The following AKAP13 variants were observed in gnomAD, a reference collection of about 807,000 sequenced individuals.
AKAP13 encodes the protein A-kinase anchor protein 13.
In AKAP13, 80 loss-of-function variants were observed where a neutral mutation model predicts 264.5. That is an observed-to-expected ratio of 0.30 (90% CI 0.25 to 0.36). AKAP13 has a LOEUF of 0.36. Among genes scored for constraint, AKAP13 ranks in the 10% least tolerant of loss-of-function variants. AKAP13 has a pLI of 1.00. For missense variants in AKAP13, 3,712 were observed against 3,435.2 expected, an observed-to-expected ratio of 1.08 and a Z score of -2.01; for synonymous variants, 1,380 against 1,250.2, an observed-to-expected ratio of 1.10 and a Z score of -2.19.
chr15:85,453,253 T>G (rs1342601774), intron 1 of AKAP13, among the ~76,000 whole-genome samples: 2 of 152,156 alleles, frequency 1.3e-5, no homozygotes, highest in African/African-American at 4.8e-5. Context: ...TCCAGGGAGT[T>G]GCTGAGTTGG....
At chr15:85,604,413 G>A (rs1404534918) in intron 8 of AKAP13, among the ~76,000 whole-genome samples, 2 of 151,158 alleles carry the variant, frequency 1.3e-5, no homozygotes, top group Admixed American at 1.3e-4. Flanking sequence ...ATAGAATTTG[G>A]ATAATTGACT....
intron 7 of AKAP13, among the ~76,000 whole-genome samples, chr15:85,582,405 A>C (rs2079163602): frequency 6.6e-6 from 1 of 152,274 alleles, no homozygotes; most frequent in East Asian, 1.9e-4. Flanking sequence ...GATCACAGGT[A>C]CTCTAAAGTG....
rs1391841353 is a variant in AKAP13, at chr15:85,633,088, G to T, written c.4162-6286G>T. Among the ~76,000 whole-genome samples the T allele has an allele frequency of 4.6e-5, 7 of 152,038 alleles. No homozygotes were observed. The East Asian group carries it at 1.4e-3, about 29-fold the overall frequency. ...TCACTATGTTGGCCAGGATGATCTCGAACTCCTAACCTTGTGATCCGCCTG... is the reference window on the plus strand; with the variant it reads ...TCACTATGTTGGCCAGGATGATCTCTAACTCCTAACCTTGTGATCCGCCTG... On this transcript the variant is annotated intron_variant, in intron 8 of 36. Transcript: ENST00000394518.
intron 8 of AKAP13, chr15:85,619,371 C>CA (rs1182875929): frequency 2.0e-6 from 2 of 985,046 alleles, no homozygotes; most frequent in Non-Finnish European, 2.4e-6. Flanking sequence ...GGAGGGAGTA[C>CA]AGCAGGAGTG....
intron 8 of AKAP13, chr15:85,620,283 C>A: frequency 9.9e-7 from 1 of 1,006,658 alleles, no homozygotes; most frequent in Admixed American, 2.1e-5. Flanking sequence ...GCCGAGAAAT[C>A]TGTGCACAGT....
chr15:85,439,281 C>T (rs1469169823), intron 1 of AKAP13, among the ~76,000 whole-genome samples: 8 of 145,314 alleles, frequency 5.5e-5, no homozygotes, highest in Non-Finnish European at 1.2e-4. Context: ...TACCATCTCA[C>T]ACCAGTTAGA....
chr15:85,527,240 A>G (rs12594171), intron 3 of AKAP13, among the ~76,000 whole-genome samples: 19,309 of 152,148 alleles, frequency 0.13, 1,567 homozygotes, highest in South Asian at 0.34. Flanking sequence ...TGGGATTACA[A>G]GCGTGAGCCA....
chr15:85,538,881 A>C (rs1193358428), intron 4 of AKAP13, among the ~76,000 whole-genome samples: 3 of 149,302 alleles, frequency 2.0e-5, no homozygotes, highest in East Asian at 3.9e-4. Context: ...CCCAGGCTAG[A>C]GTGCAGTGGT....
intron 19 of AKAP13, among the ~76,000 whole-genome samples, chr15:85,711,404 C>G (rs1377499451): frequency 1.3e-5 from 2 of 151,932 alleles, no homozygotes; most frequent in Non-Finnish European, 2.9e-5. Flanking sequence ...AATGTATGTC[C>G]TTCTAATCTG....
chr15:85,737,077 C>G (rs1222439702), intron 33 of AKAP13, among the ~76,000 whole-genome samples: 1 of 152,056 alleles, frequency 6.6e-6, no homozygotes, highest in Non-Finnish European at 1.5e-5. Flanking sequence ...CGCCACTACA[C>G]CTGACTAATT....
chr15:85,595,949 C>G (rs544167647), intron 8 of AKAP13, among the ~76,000 whole-genome samples: 1 of 152,296 alleles, frequency 6.6e-6, no homozygotes, highest in African/African-American at 2.4e-5. Context: ...TTAAATATTT[C>G]CATTCAGCCA....
At chr15:85,407,012 A>G (rs2071698535) in intron 1 of AKAP13, among the ~76,000 whole-genome samples, 1 of 151,770 alleles carries the variant, frequency 6.6e-6, no homozygotes, top group Non-Finnish European at 1.5e-5. Context: ...ACAAAACAGA[A>G]ATAATATATT....
chr15:85,383,039 CA>C (rs1448992339), intron 1 of AKAP13, among the ~76,000 whole-genome samples: 7 of 151,982 alleles, frequency 4.6e-5, no homozygotes, highest in East Asian at 1.9e-4. Flanking sequence ...ATTTAGAAAT[CA>C]GCCCCCCCCT....
intron 3 of AKAP13, among the ~76,000 whole-genome samples, chr15:85,529,155 G>T (rs1200822523): frequency 6.6e-6 from 1 of 152,118 alleles, no homozygotes. Flanking sequence ...GCCAGGCACG[G>T]TGTAAGGTGT....
chr15:85,682,186 C>G lies in AKAP13; in HGVS notation c.5130C>G (p.His1710Gln). The G allele has an allele frequency of 6.2e-7, 1 of 1,613,560 alleles. No homozygotes were observed. Among genetic ancestry groups the G allele is most frequent in the Non-Finnish European group, 8.5e-7 (1 of 1,179,938 alleles). Reference protein sequence around the residue: ...DNSRPFHSTFHNTSANLTESI... With the variant: ...DNSRPFHSTFQNTSANLTESI... ...CACGGCCCTTCCACAGTACCTTCCA[C>G]AATACCAGTGCTAATCTGACTGAGA... The change falls in exon 15 of 37, where the codon CAC (histidine) becomes CAG (glutamine). Residue 1710 changes from histidine to glutamine, a missense_variant. Physicochemically the swap from His to Gln is conservative, Grantham distance 24. Coordinates refer to ENST00000394518, the MANE Select transcript of AKAP13 (RefSeq NM_007200.5).
chr15:85,717,525 T>G, intron 21 of AKAP13, 123 bp downstream of exon 21: 1 of 711,222 alleles, frequency 1.4e-6, no homozygotes. Context: ...GAAGATTCTC[T>G]AAATTGTCAG....
At chr15:85,501,173 A>G (rs757730880) in intron 2 of AKAP13, among the ~76,000 whole-genome samples, 12 of 152,142 alleles carry the variant, frequency 7.9e-5, no homozygotes, top group Admixed American at 1.3e-4. Flanking sequence ...GAAGTGTATT[A>G]TTGTGTAGTT....
chr15:85,656,679 A>C (rs955018220), intron 11 of AKAP13, among the ~76,000 whole-genome samples: 1 of 152,000 alleles, frequency 6.6e-6, no homozygotes, highest in African/African-American at 2.4e-5. Flanking sequence ...CGATCTCCTG[A>C]CCTTGTGATC....
chr15:85,522,874 T>C (rs1049588670), intron 3 of AKAP13, among the ~76,000 whole-genome samples: 3 of 151,714 alleles, frequency 2.0e-5, no homozygotes, highest in East Asian at 1.9e-4. Context: ...TTTCAGTATT[T>C]TTCCATCATG....
Sources: allele counts gnomAD v4.1 joint callset (sites outside exome capture counted in the v4.1 genomes callset), GRCh38; gene constraint gnomAD v4.1.1; transcripts MANE v1.5; gene names NCBI Gene and HGNC (gene_info 2026-07-23, HGNC 2026-07-21).